Variants in LRRK2 observed in about 807,000 individuals in gnomAD.
The protein encoded by LRRK2 is leucine rich repeat kinase 2.
Under a neutral mutation model 302.6 loss-of-function variants are expected in LRRK2, and 203 were observed. That is an observed-to-expected ratio of 0.67 (90% CI 0.60 to 0.75). The LOEUF (loss-of-function observed/expected upper bound fraction) is 0.75. Among genes scored for constraint, LRRK2 ranks in the 30% least tolerant of loss-of-function variants. The pLI is 0.00. For synonymous variants in LRRK2, 1,066 were observed against 1,031.9 expected (o/e 1.03, Z -0.63); for missense variants, 2,830 against 2,951.0 (o/e 0.96, Z 0.95).
chr12:40,298,863 TTA>T (rs1944505581), intron 24 of LRRK2, among the ~76,000 whole-genome samples: 2 of 11,870 alleles, frequency 1.7e-4, no homozygotes, highest in East Asian at 2.6e-3. Context: ...TACCTATATA[TTA>T]TATATATACT....
chr12:40,366,780 G>T, intron 49 of LRRK2: 1 of 461,056 alleles, frequency 2.2e-6, no homozygotes, highest in Non-Finnish European at 4.0e-6. Flanking sequence ...TGTTTTCTCA[G>T]ACTCACATAA....
intron 7 of LRRK2, 35 bp downstream of exon 7, chr12:40,243,716 T>C (rs759296104): frequency 6.3e-7 from 1 of 1,587,656 alleles, no homozygotes; most frequent in Non-Finnish European, 8.6e-7. Context: ...TCACACACTG[T>C]ATGATATACA....
intron 38 of LRRK2, among the ~76,000 whole-genome samples, chr12:40,324,602 C>T (rs1283033343): frequency 6.6e-6 from 1 of 152,144 alleles, no homozygotes; most frequent in Non-Finnish European, 1.5e-5. Context: ...GAAATAATGC[C>T]TAAGATCTGT....
At chr12:40,309,354 C>G in intron 30 of LRRK2, 121 bp downstream of exon 30, 2 of 1,265,868 alleles carry the variant, frequency 1.6e-6, no homozygotes, top group Non-Finnish European at 2.1e-6. Context: ...TAAATACTTT[C>G]TTAAAAGAAG....
At chr12:40,351,497 TAACTC>T (rs1253855401) in intron 43 of LRRK2, 37 bp from the exon 44 acceptor site, 1 of 1,591,446 alleles carries the variant, frequency 6.3e-7, no homozygotes, top group African/African-American at 1.3e-5. Flanking sequence ...GGAAATGAGT[TAACTC>T]GATAAGTACT....
At chr12:40,309,076 T>C in intron 29 of LRRK2, 30 bp from the exon 30 acceptor site, 1 of 1,611,120 alleles carries the variant, frequency 6.2e-7, no homozygotes, top group African/African-American at 1.3e-5. Context: ...TTTGAAAGAT[T>C]AAAAAAATTT....
At chr12:40,226,119 C>G (rs1438582666) in intron 2 of LRRK2, among the ~76,000 whole-genome samples, 3 of 152,096 alleles carry the variant, frequency 2.0e-5, no homozygotes, top group Non-Finnish European at 4.4e-5. Flanking sequence ...GATTTCTAGC[C>G]TTTAGTTGTA....
At chr12:40,316,195 G>C (rs1217769671) in intron 33 of LRRK2, 1 of 332,292 alleles carries the variant, frequency 3.0e-6, no homozygotes, top group Non-Finnish European at 4.3e-6. Flanking sequence ...TTTTATGTTA[G>C]AAATATCTCT....
Position 40,293,554 on chromosome 12 carries a change from G to A in LRRK2, c.2699G>A (p.Gly900Asp). The A allele has an allele frequency of 6.3e-7, 1 of 1,595,658 alleles. No homozygotes were observed. The highest frequency in any genetic ancestry group is 8.6e-7 in the Non-Finnish European group (1 of 1,164,828). Reference protein sequence around the residue: ...SDDLDSEGSEGSFLVKKKSNS... With the variant: ...SDDLDSEGSEDSFLVKKKSNS... ...ATCATTTTCAAAATAGGAAGTGAAG[G>A]CTCATTTCTTGTGAAAAAGAAATCT... Residue 900 changes from glycine to aspartate, a missense_variant, in exon 21 of 51, where the codon GGC becomes GAC. By Grantham distance (94) the Gly-to-Asp change is moderately conservative (BLOSUM62 -1). This residue lies in a region of LRRK2 where 2,121 missense variants were observed against 2,148.0 expected (regional missense o/e 0.99). Transcript: ENST00000298910.
chr12:40,269,277 T>C (rs1943140791), intron 14 of LRRK2, among the ~76,000 whole-genome samples: 1 of 152,218 alleles, frequency 6.6e-6, no homozygotes, highest in East Asian at 1.9e-4. Context: ...TGGTAATCAT[T>C]CATGCTGTTT....
intron 19 of LRRK2, among the ~76,000 whole-genome samples, chr12:40,285,529 T>A (rs1943886552): frequency 6.6e-6 from 1 of 152,072 alleles, no homozygotes; most frequent in Admixed American, 6.6e-5. Flanking sequence ...CAATATCTAC[T>A]AATATTTTTA....
intron 44 of LRRK2, among the ~76,000 whole-genome samples, chr12:40,353,664 A>G (rs1409512392): frequency 3.3e-5 from 5 of 152,226 alleles, no homozygotes; most frequent in Non-Finnish European, 7.3e-5. Flanking sequence ...GGTAGCCAAG[A>G]TCACGCCACT....
Position 40,341,607 on chromosome 12 carries a change from G to A in LRRK2, c.6109+1153G>A, listed in dbSNP as rs533595867. 7.8e-4 allele frequency among the ~76,000 whole-genome samples: 118 copies of A among 152,184 alleles called. 1 individual carries two copies. The highest frequency in any genetic ancestry group is 2.6e-3 in the African/African-American group (110 of 41,526). On this transcript the variant is annotated intron_variant, in intron 41 of 50. Coordinates refer to ENST00000298910, the MANE Select transcript of LRRK2 (RefSeq NM_198578.4). ...TGCTGTGCGTCAGGCCCAGTGCCACGTATATTAGAGACAAGATCTCTTATC... is the reference window on the plus strand; with the variant it reads ...TGCTGTGCGTCAGGCCCAGTGCCACATATATTAGAGACAAGATCTCTTATC...
intron 49 of LRRK2, 139 bp downstream of exon 49, chr12:40,365,189 GGTATAAATT>G: frequency 1.3e-6 from 1 of 751,668 alleles, no homozygotes; most frequent in Non-Finnish European, 2.2e-6. Flanking sequence ...ACATAAGACT[GGTATAAATT>G]GTGAATAGGG....
At chr12:40,287,599 A>G in intron 20 of LRRK2, 60 bp downstream of exon 20, 3 of 1,537,100 alleles carry the variant, frequency 2.0e-6, no homozygotes, top group Non-Finnish European at 2.7e-6. Flanking sequence ...ATTGAACAAT[A>G]GGACCCAAGA....
chr12:40,226,802 C>G (rs1279457265), intron 2 of LRRK2, among the ~76,000 whole-genome samples: 2 of 152,096 alleles, frequency 1.3e-5, no homozygotes, highest in East Asian at 3.9e-4. Context: ...TGGGCACTGG[C>G]CTATTGTGCT....
intron 39 of LRRK2, among the ~76,000 whole-genome samples, chr12:40,330,174 A>G (rs1185160948): frequency 1.3e-5 from 2 of 152,308 alleles, no homozygotes; most frequent in East Asian, 3.9e-4. Context: ...TTTTTGTTGA[A>G]GAATATCTTC....
intron 48 of LRRK2, 27 bp from the exon 49 acceptor site, chr12:40,364,815 T>C: frequency 6.5e-7 from 1 of 1,530,888 alleles, no homozygotes; most frequent in Non-Finnish European, 9.0e-7. Flanking sequence ...GGTGGTAAAA[T>C]TATTAATGTA....
At chr12:40,328,098 T>G (rs1945605129) in intron 38 of LRRK2, among the ~76,000 whole-genome samples, 1 of 152,086 alleles carries the variant, frequency 6.6e-6, no homozygotes, top group Admixed American at 6.5e-5. Context: ...ATTAAAGGGA[T>G]AGATGAAGTC....
Sources: gnomAD v4.1 joint callset for allele counts (sites outside exome capture counted in the v4.1 genomes callset) on GRCh38, gnomAD v4.1.1 for gene constraint, gnomAD v4.1.1 regional missense constraint, MANE v1.5 for transcripts, NCBI Gene and HGNC (gene_info 2026-07-23, HGNC 2026-07-21) for gene names.